KCNB2: variants seen among roughly 807,000 people sequenced by gnomAD.
KCNB2 encodes the protein potassium voltage-gated channel subfamily B member 2.
A neutral mutation model predicts 61.5 loss-of-function variants in KCNB2; 15 were observed. The ratio of observed to expected loss-of-function variants is 0.24; its 90% confidence interval spans 0.16 to 0.38. KCNB2 has a LOEUF of 0.38. KCNB2 is among the 10% of genes least tolerant of loss of function. KCNB2 has a pLI of 1.00. For missense variants in KCNB2, 828 were observed against 1,125.2 expected, an observed-to-expected ratio of 0.74 and a Z score of 3.78; for synonymous variants, 457 against 446.0, an observed-to-expected ratio of 1.02 and a Z score of -0.31.
chr8:72,573,724 G>T (rs1381021640), intron 2 of KCNB2, among the ~76,000 whole-genome samples: 2 of 151,266 alleles, frequency 1.3e-5, no homozygotes, highest in Non-Finnish European at 2.9e-5. Context: ...CTACATTGAG[G>T]CCCCTCTGTG....
chr8:72,550,595 T>A (rs1806332434), intron 1 of KCNB2, among the ~76,000 whole-genome samples: 1 of 152,214 alleles, frequency 6.6e-6, no homozygotes. Context: ...GACATTATGC[T>A]GTCATTATTT....
intron 1 of KCNB2, among the ~76,000 whole-genome samples, chr8:72,538,919 T>C (rs995623965): frequency 7.2e-5 from 11 of 152,212 alleles, no homozygotes; most frequent in African/African-American, 1.7e-4. Flanking sequence ...TTACATTTCA[T>C]AGGACAAGCG....
chr8:72,868,488 G>A (rs1805567217), intron 2 of KCNB2, among the ~76,000 whole-genome samples: 1 of 151,832 alleles, frequency 6.6e-6, no homozygotes, highest in Non-Finnish European at 1.5e-5. Context: ...TGAGACAGGA[G>A]AATCGCTTGA....
At chr8:72,685,502 G>A (rs1806835453) in intron 2 of KCNB2, among the ~76,000 whole-genome samples, 1 of 152,178 alleles carries the variant, frequency 6.6e-6, no homozygotes, top group Non-Finnish European at 1.5e-5. Context: ...AATGTACAGT[G>A]TTAAAAATGA....
intron 2 of KCNB2, among the ~76,000 whole-genome samples, chr8:72,698,504 A>G (rs1807056478): frequency 6.6e-6 from 1 of 152,174 alleles, no homozygotes; most frequent in African/African-American, 2.4e-5. Flanking sequence ...CAGAATTAGA[A>G]AAAACTATTC....
chr8:72,847,134 C>T lies in KCNB2; in HGVS notation c.580-88801C>T, dbSNP rs56208051. Among the ~76,000 whole-genome samples, 288 of 152,238 alleles carry T rather than the reference C, an allele frequency of 1.9e-3. 3 individuals carry two copies. The highest frequency in any genetic ancestry group is 6.7e-3 in the African/African-American group (279 of 41,526). On this transcript the variant is annotated intron_variant, in intron 2 of 2. Transcript: ENST00000523207. The stretch of plus-strand genomic sequence containing the variant: ...ATTGATCTCACTGGGACCTGCAGAC[C>T]GGAGCTGTTCCTATTCAGCCACCTT...
rs1806903352 is a variant in KCNB2 at position 72,936,332 on chromosome 8, TCA to T, written c.979_980del (p.Thr327ProfsTer2). 6.2e-7 allele frequency: 1 copy of T among 1,614,152 alleles called. No homozygotes were observed. On this transcript the variant is annotated frameshift_variant, in exon 3 of 3. Coordinates refer to ENST00000523207, the MANE Select transcript of KCNB2 (RefSeq NM_004770.3). LOFTEE classifies it high-confidence loss of function. The surrounding 1 kb of genome is among the most constrained non-coding windows in gnomAD (Gnocchi z 5.6). ...TCGACAGGCCTGCAGTCTCTGGGTT[TCA>T]CCCTTAGGCGGAGTTACAATGAATT... is the stretch of plus-strand genomic sequence containing the variant.
chr8:72,845,221 A>G (rs1809966993), intron 2 of KCNB2, among the ~76,000 whole-genome samples: 3 of 152,166 alleles, frequency 2.0e-5, no homozygotes, highest in Admixed American at 2.0e-4. Flanking sequence ...TGTAGTTTAC[A>G]GGAGGTCCAC....
chr8:72,684,034 A>G (rs1208346219), intron 2 of KCNB2, among the ~76,000 whole-genome samples: 1 of 152,242 alleles, frequency 6.6e-6, no homozygotes, highest in African/African-American at 2.4e-5. Context: ...CAGTGGGCAC[A>G]TTAGAAGGTA....
intron 2 of KCNB2, among the ~76,000 whole-genome samples, chr8:72,828,600 T>C (rs1443046402): frequency 6.6e-6 from 1 of 152,244 alleles, no homozygotes; most frequent in African/African-American, 2.4e-5. Flanking sequence ...ATCTGTTTGC[T>C]CTTTCTATGG....
At chr8:72,781,968 G>A (rs1256809296) in intron 2 of KCNB2, among the ~76,000 whole-genome samples, 2 of 152,080 alleles carry the variant, frequency 1.3e-5, no homozygotes, top group African/African-American at 4.8e-5. Flanking sequence ...TGGCAGCTGG[G>A]GAGAGGGAGA....
At chr8:72,785,593 T>C (rs1307844018) in intron 2 of KCNB2, among the ~76,000 whole-genome samples, 2 of 152,172 alleles carry the variant, frequency 1.3e-5, no homozygotes, top group East Asian at 1.9e-4. Context: ...AGAGAGATGA[T>C]ACCATTTAAT....
intron 2 of KCNB2, among the ~76,000 whole-genome samples, chr8:72,627,601 A>G (rs1805810002): frequency 6.6e-6 from 1 of 152,188 alleles, no homozygotes; most frequent in Non-Finnish European, 1.5e-5. Flanking sequence ...GAATGCAGAA[A>G]ACTGCATCCA....
At chr8:72,907,490 G>A (rs890017173) in intron 2 of KCNB2, among the ~76,000 whole-genome samples, 4 of 152,140 alleles carry the variant, frequency 2.6e-5, no homozygotes, top group African/African-American at 9.7e-5. Context: ...AAGATGGATG[G>A]AACAGATAAA....
At chr8:72,548,405 C>T (rs1806294107) in intron 1 of KCNB2, among the ~76,000 whole-genome samples, 2 of 152,158 alleles carry the variant, frequency 1.3e-5, no homozygotes, top group South Asian at 2.1e-4. Context: ...GTTAAAGGCC[C>T]CCTGTCCTGG....
chr8:72,843,341 G>A (rs997085970), intron 2 of KCNB2, among the ~76,000 whole-genome samples: 2 of 152,130 alleles, frequency 1.3e-5, no homozygotes, highest in Admixed American at 6.5e-5. Flanking sequence ...TTGCTGAGGC[G>A]TGTTTTACTT....
chr8:72,711,645 C>T (rs1807328612), intron 2 of KCNB2, among the ~76,000 whole-genome samples: 1 of 152,164 alleles, frequency 6.6e-6, no homozygotes, highest in Non-Finnish European at 1.5e-5. Flanking sequence ...ACAGAGGGCA[C>T]AGCATGTCCA....
chr8:72,773,074 T>C (rs144092080), intron 2 of KCNB2, among the ~76,000 whole-genome samples: 153 of 152,298 alleles, frequency 1.0e-3, no homozygotes, highest in African/African-American at 3.4e-3. Flanking sequence ...CTTTAGTCCA[T>C]CCTCTCAATT....
At chr8:72,850,188 TAA>T (rs1347899401) in intron 2 of KCNB2, among the ~76,000 whole-genome samples, 18 of 121,082 alleles carry the variant, frequency 1.5e-4, no homozygotes, top group South Asian at 2.9e-4. Context: ...TGAGTGTATG[TAA>T]GTGTGTGTGT....
Sources: allele counts gnomAD v4.1 joint callset (sites outside exome capture counted in the v4.1 genomes callset), GRCh38; gene constraint gnomAD v4.1.1; non-coding constraint Gnocchi (gnomAD v3.1); transcripts MANE v1.5; gene names NCBI Gene and HGNC (gene_info 2026-07-23, HGNC 2026-07-21).